The following CAMK2B variants were observed in gnomAD, a reference collection of about 807,000 sequenced individuals.
CAMK2B encodes calcium/calmodulin-dependent protein kinase type II subunit beta.
A neutral mutation model predicts 93.7 loss-of-function variants in CAMK2B; 27 were observed. That is an observed-to-expected ratio of 0.29 (90% CI 0.21 to 0.40). The LOEUF is 0.40. CAMK2B is among the 10% of genes least tolerant of loss of function. The probability of loss-of-function intolerance (pLI) is 1.00; values close to 1 mark genes in which losing one functional copy is unlikely to be tolerated. For synonymous variants in CAMK2B, 374 were observed against 358.8 expected (o/e 1.04, Z -0.48); for missense variants, 568 against 895.8 (o/e 0.63, Z 4.67).
chr7:44,236,260 G>A (rs1415357354), intron 13 of CAMK2B, among the ~76,000 whole-genome samples: 1 of 152,094 alleles, frequency 6.6e-6, no homozygotes, highest in Non-Finnish European at 1.5e-5. Flanking sequence ...CCCCTCCTGG[G>A]CTCTGTGGGG....
At position 44,218,277 on chromosome 7, in the gene CAMK2B, C is replaced by A. The variant is rs1053570538; in HGVS notation, c.*1248G>T. 6.6e-6 allele frequency: 1 copy of A among 152,670 alleles called. No individual in the cohort carries two copies. The highest frequency in any genetic ancestry group is 2.4e-5 in the African/African-American group (1 of 41,470). 9.5% of individuals were successfully genotyped at this position (152,670 alleles called of 1,614,324 possible). Reference sequence around the variant, plus strand: ...CACTTCAGTAAACCCCTGCACAGACCCTTGTCTCAGCCCAGAAGCTGGGCA... The same window carrying A: ...CACTTCAGTAAACCCCTGCACAGACACTTGTCTCAGCCCAGAAGCTGGGCA... On this transcript the variant is annotated 3_prime_UTR_variant, in exon 24 of 24. Coordinates refer to ENST00000395749, the MANE Select transcript of CAMK2B (RefSeq NM_001220.5).
chr7:44,220,200 C>T lies in CAMK2B; in HGVS notation c.1863G>A (p.Arg621=), dbSNP rs776004586. The T allele has an allele frequency of 1.2e-6, 2 of 1,613,246 alleles. No individual in the cohort carries two copies. Among genetic ancestry groups the T allele is most frequent in the African/African-American group, 1.3e-5 (1 of 75,054 alleles). The change falls in exon 23 of 24, where the codon CGG becomes CGA. Residue 621 remains arginine (R), a synonymous_variant. Transcript: ENST00000395749. The part of the protein sequence containing the change: ...GEDAACIAYI[R]LTQYIDGQGR... ...CCTGCCCGTCAATGTACTGCGTGAGCCGGATGTAAGCGATGCAGGCGGCAT... is the reference window on the plus strand; with the variant it reads ...CCTGCCCGTCAATGTACTGCGTGAGTCGGATGTAAGCGATGCAGGCGGCAT...
At position 44,220,073 on chromosome 7, in the gene CAMK2B, G is replaced by A. The variant is rs753298278; in HGVS notation, c.1990C>T (p.Pro664Ser). The A allele has an allele frequency of 1.3e-6, 2 of 1,592,806 alleles. No homozygotes were observed. The highest frequency in any genetic ancestry group is 1.7e-6 in the Non-Finnish European group (2 of 1,172,910). ...HFHCSGAPVA[P>S]LQ is the part of the protein sequence containing the mutation. ...CAGAACACTCACCTTCACTGCAGCG[G>A]GGCCACAGGCGCGCCCGAGCAGTGG... Residue 664 changes from proline (P) to serine (S), a missense_variant, in exon 23 of 24, where the codon CCG becomes TCG. By Grantham distance (74) the Pro-to-Ser change is moderately conservative. Around this residue, in one of 4 missense-constraint regions of CAMK2B, gnomAD observed 116 missense variants for 188.0 expected, o/e 0.62. Transcript: ENST00000395749.
Position 44,220,667 on chromosome 7 carries a change from G to A in CAMK2B, c.1717C>T (p.Leu573=), listed in dbSNP as rs1334969333. ...TCCATCCCTTCAACCAGGTTGCCCA[G>A]TGCTTCAGGCTCAAACGAGGTCAGC... ...PGLTSFEPEA[L]GNLVEGMDFH... is the part of the protein sequence containing the mutation. The change falls in exon 22 of 24, where the codon CTG becomes TTG. Residue 573 remains leucine, a synonymous_variant. Coordinates refer to ENST00000395749, the MANE Select transcript of CAMK2B (RefSeq NM_001220.5). 1.2e-6 allele frequency: 2 copies of A among 1,613,668 alleles called. No individual in the cohort carries two copies. The highest frequency in any genetic ancestry group is 1.7e-6 in the Non-Finnish European group (2 of 1,179,972).
intron 1 of CAMK2B, among the ~76,000 whole-genome samples, chr7:44,296,005 G>A (rs1788207000): frequency 6.6e-6 from 1 of 152,096 alleles, no homozygotes; most frequent in Non-Finnish European, 1.5e-5. Context: ...TCACATTACT[G>A]AAGGCCAGTT....
intron 1 of CAMK2B, 85 bp from the exon 2 acceptor site, chr7:44,284,310 A>G (rs746814224): frequency 3.1e-5 from 29 of 948,566 alleles, no homozygotes; most frequent in Non-Finnish European, 4.4e-5. Flanking sequence ...CCCCATAAAC[A>G]CTCCCCATTA....
Position 44,219,357 on chromosome 7 carries a change from TTTTTTTTG to T in CAMK2B, c.*160_*167del, listed in dbSNP as rs2096369311. On this transcript the variant is annotated 3_prime_UTR_variant, in exon 24 of 24. Coordinates refer to ENST00000395749, the MANE Select transcript of CAMK2B (RefSeq NM_001220.5). ...CGTCGTCATCTTGTTTTTTTTTTTT[TTTTTTTTG>T]TTTTTTTTTAACAAATCACATCTGG... The T allele has an allele frequency of 7.5e-6, 1 of 133,360 alleles. No individual in the cohort carries two copies. Among genetic ancestry groups the T allele is most frequent in the Non-Finnish European group, 1.7e-5 (1 of 60,470 alleles). The allele number at this position is 133,360 out of a possible 1,614,324, so 8.3% of individuals were successfully genotyped here.
chr7:44,319,682 C>T (rs1795608576), intron 1 of CAMK2B, among the ~76,000 whole-genome samples: 1 of 152,214 alleles, frequency 6.6e-6, no homozygotes, highest in South Asian at 2.1e-4. Context: ...AATGACCTTT[C>T]AGGCCCTGAT....
chr7:44,273,775 C>T (rs954381005), intron 2 of CAMK2B, among the ~76,000 whole-genome samples: 6 of 152,232 alleles, frequency 3.9e-5, no homozygotes, highest in Non-Finnish European at 2.9e-5. Context: ...CCTCTGCCCC[C>T]AACTCTGTCC....
At chr7:44,221,221 C>T (rs2096400367) in intron 20 of CAMK2B, among the ~76,000 whole-genome samples, 1 of 152,258 alleles carries the variant, frequency 6.6e-6, no homozygotes, top group African/African-American at 2.4e-5. Context: ...GAGGTCACCT[C>T]CTGGCCCCAC....
At chr7:44,325,306 TCCCGGCCCTCTGGGGTC>T in intron 1 of CAMK2B, 34 bp downstream of exon 1, 1 of 1,088,242 alleles carries the variant, frequency 9.2e-7, no homozygotes, top group Non-Finnish European at 1.2e-6. Flanking sequence ...GTCCCGGAGG[TCCCGGCCCTCTGGGGTC>T]CCCGGCCCAG....
intron 12 of CAMK2B, among the ~76,000 whole-genome samples, chr7:44,239,910 G>T (rs539819440): frequency 6.6e-6 from 1 of 152,288 alleles, no homozygotes; most frequent in South Asian, 2.1e-4. Flanking sequence ...TGCCCAAAGG[G>T]TGTGGTGAGC....
chr7:44,323,863 T>C, intron 1 of CAMK2B: 1 of 161,456 alleles, frequency 6.2e-6, no homozygotes, highest in African/African-American at 2.4e-5. Flanking sequence ...CAGACGGGGG[T>C]AGATCGGTGC....
chr7:44,308,870 T>C lies in CAMK2B; in HGVS notation c.65+16487A>G, dbSNP rs375064002. Reference sequence around the variant, plus strand: ...GACCAGGGGCTGAGCAGACCATCCCTCCCCGGGGCCTCTGTCCATGGCCAG... The same window carrying C: ...GACCAGGGGCTGAGCAGACCATCCCCCCCCGGGGCCTCTGTCCATGGCCAG... On this transcript the variant is annotated intron_variant, in intron 1 of 23. Coordinates refer to ENST00000395749, the MANE Select transcript of CAMK2B (RefSeq NM_001220.5). Among the ~76,000 whole-genome samples, 153 of 152,104 alleles carry C rather than the reference T, an allele frequency of 1.0e-3. 1 individual carries two copies. The highest frequency in any genetic ancestry group is 3.4e-3 in the African/African-American group (143 of 41,480).
chr7:44,258,407 G>A (rs946227072), intron 4 of CAMK2B, among the ~76,000 whole-genome samples: 1 of 152,154 alleles, frequency 6.6e-6, no homozygotes, highest in Admixed American at 6.5e-5. Flanking sequence ...GCGCCCCCAC[G>A]TGCAAACACC....
intron 13 of CAMK2B, among the ~76,000 whole-genome samples, chr7:44,238,805 C>G (rs962115027): frequency 6.6e-6 from 1 of 152,176 alleles, no homozygotes; most frequent in African/African-American, 2.4e-5. Flanking sequence ...TTGGCCTGCC[C>G]TAAGCTCTCA....
At chr7:44,291,867 G>T (rs534785964) in intron 1 of CAMK2B, among the ~76,000 whole-genome samples, 43 of 152,266 alleles carry the variant, frequency 2.8e-4, no homozygotes, top group African/African-American at 9.6e-4. Context: ...AATCTGGGTG[G>T]CTCATACAAC....
chr7:44,225,919 A>C lies in CAMK2B; in HGVS notation c.1597+597T>G. On this transcript the variant is annotated intron_variant, in intron 20 of 23. Coordinates refer to ENST00000395749, the MANE Select transcript of CAMK2B (RefSeq NM_001220.5). This position sits in a 1 kb window ranked among gnomAD's most constrained non-coding sequence, Gnocchi z 5.0. ...GTAAGTGATACTGCGGGTAGTCGGC[A>C]GACAGACCGGGAGGTGGCCCAGCCT... 1 of 1,282,410 alleles carries C rather than the reference A, an allele frequency of 7.8e-7. No homozygotes were observed. Among genetic ancestry groups the C allele is most frequent in the Non-Finnish European group, 1.0e-6 (1 of 983,906 alleles). The allele number at this position is 1,282,410 out of a possible 1,614,324, so 79.4% of individuals were successfully genotyped here.
At position 44,286,698 on chromosome 7, in the gene CAMK2B, A is replaced by G. The variant is rs1210150494; in HGVS notation, c.66-2473T>C. ...GTCAGGCAGCCCCTTTCTCCTCTGC[A>G]GAAGGCTCCAGAGCCGCCCCTGCAC... On this transcript the variant is annotated intron_variant, in intron 1 of 23. Coordinates refer to ENST00000395749, the MANE Select transcript of CAMK2B (RefSeq NM_001220.5). This position sits in a 1 kb window ranked among gnomAD's most constrained non-coding sequence, Gnocchi z 4.0. Among the ~76,000 whole-genome samples, 2 of 152,230 alleles carry G rather than the reference A, an allele frequency of 1.3e-5. No individual in the cohort carries two copies. The highest frequency in any genetic ancestry group is 3.9e-4 in the East Asian group (2 of 5,194).
Sources: allele counts gnomAD v4.1 joint callset (sites outside exome capture counted in the v4.1 genomes callset), GRCh38; gene constraint gnomAD v4.1.1; regional missense constraint gnomAD v4.1.1; non-coding constraint Gnocchi (gnomAD v3.1); transcripts MANE v1.5; gene names NCBI Gene and HGNC (gene_info 2026-07-23, HGNC 2026-07-21).